The following DSCAM variants were observed in gnomAD, a reference collection of about 807,000 sequenced individuals.
DSCAM encodes cell adhesion molecule DSCAM.
In DSCAM, 47 loss-of-function variants were observed where a neutral mutation model predicts 217.7. The observed-to-expected ratio is 0.22, with a 90% CI of 0.17 to 0.28. The LOEUF is 0.28. Among genes scored for constraint, DSCAM ranks in the 10% least tolerant of loss-of-function variants. The probability of loss-of-function intolerance (pLI) is 1.00; values close to 1 mark genes in which losing one functional copy is unlikely to be tolerated. For missense variants in DSCAM, 2,080 were observed against 2,618.3 expected (o/e 0.79, Z 4.49); for synonymous variants, 1,056 against 1,015.3 (o/e 1.04, Z -0.76).
chr21:40,090,164 G>A (rs1419802777), intron 21 of DSCAM, among the ~76,000 whole-genome samples: 1 of 152,132 alleles, frequency 6.6e-6, no homozygotes, highest in Non-Finnish European at 1.5e-5. Context: ...TCAGTGCTGT[G>A]GTCGTGGGCT....
intron 1 of DSCAM, among the ~76,000 whole-genome samples, chr21:40,718,401 G>A (rs897433282): frequency 1.3e-5 from 2 of 152,194 alleles, no homozygotes; most frequent in African/African-American, 4.8e-5. Context: ...CAAGAGAAAG[G>A]TATTTAATTG....
At chr21:40,646,982 A>G (rs1451766343) in intron 3 of DSCAM, among the ~76,000 whole-genome samples, 2 of 152,228 alleles carry the variant, frequency 1.3e-5, no homozygotes, top group Non-Finnish European at 2.9e-5. Flanking sequence ...CCAAGAATTT[A>G]TAACATCATA....
At chr21:40,209,956 G>T (rs757345636) in intron 11 of DSCAM, among the ~76,000 whole-genome samples, 1 of 152,106 alleles carries the variant, frequency 6.6e-6, no homozygotes, top group Non-Finnish European at 1.5e-5. Flanking sequence ...TACAGATTAA[G>T]CTCAGTTTTC....
In DSCAM at chr21:40,569,911, G is replaced by GA. The variant is rs888020139; in HGVS notation, c.508+122898dup. Among the ~76,000 whole-genome samples the GA allele has an allele frequency of 5.3e-5, 8 of 151,472 alleles. No homozygotes were observed. The East Asian group carries it at 9.7e-4, about 18-fold the overall frequency. On this transcript the variant is annotated intron_variant, in intron 3 of 32. Transcript: ENST00000400454. Reference sequence around the variant, plus strand: ...TAGAACATAGAATTAGCAAACAGCAGAAAAAAAAATTTGTGGTATGAACGT... The same window carrying GA: ...TAGAACATAGAATTAGCAAACAGCAGAAAAAAAAAATTTGTGGTATGAACGT...
chr21:40,792,843 G>C (rs564597388), intron 1 of DSCAM, among the ~76,000 whole-genome samples: 1 of 152,264 alleles, frequency 6.6e-6, no homozygotes, highest in East Asian at 1.9e-4. Context: ...AGCTCTGAAT[G>C]TTAATTGAAA....
intron 3 of DSCAM, among the ~76,000 whole-genome samples, chr21:40,433,806 G>T (rs2075558773): frequency 6.6e-6 from 1 of 152,126 alleles, no homozygotes; most frequent in Admixed American, 6.5e-5. Flanking sequence ...GTTGGATGAG[G>T]TCACCTGAGG....
chr21:40,420,715 A>G (rs1345871012), intron 3 of DSCAM, among the ~76,000 whole-genome samples: 1 of 152,126 alleles, frequency 6.6e-6, no homozygotes, highest in Non-Finnish European at 1.5e-5. Flanking sequence ...ACAAAGGGGG[A>G]ATTTGGACAC....
intron 3 of DSCAM, among the ~76,000 whole-genome samples, chr21:40,405,956 C>T (rs577341461): frequency 6.6e-6 from 1 of 152,296 alleles, no homozygotes; most frequent in East Asian, 1.9e-4. Flanking sequence ...GAGATTGCAC[C>T]ACTGCACTCC....
chr21:40,772,809 C>A (rs2091457581), intron 1 of DSCAM, among the ~76,000 whole-genome samples: 1 of 152,234 alleles, frequency 6.6e-6, no homozygotes, highest in East Asian at 1.9e-4. Context: ...CATTATGGAC[C>A]AGGGCCCGTA....
intron 1 of DSCAM, among the ~76,000 whole-genome samples, chr21:40,758,407 C>G (rs2091297091): frequency 6.7e-6 from 1 of 150,004 alleles, no homozygotes; most frequent in Non-Finnish European, 1.5e-5. Flanking sequence ...GTCCCAGCTA[C>G]TTGGGAGGCT....
At chr21:40,025,264 TCGGTCTGC>T (rs1301994903) in intron 32 of DSCAM, among the ~76,000 whole-genome samples, 1 of 104,630 alleles carries the variant, frequency 9.6e-6, no homozygotes, top group African/African-American at 3.7e-5. Flanking sequence ...GCTGCTGGAT[TCGGTCTGC>T]CAGTATTTTA....
chr21:40,028,801 T>G (rs1436078378), intron 32 of DSCAM, among the ~76,000 whole-genome samples: 2 of 152,212 alleles, frequency 1.3e-5, no homozygotes, highest in Admixed American at 6.5e-5. Flanking sequence ...GTCTTCTGCG[T>G]CGCTCACGCT....
chr21:40,063,900 G>T (rs922080519), intron 27 of DSCAM, among the ~76,000 whole-genome samples: 5 of 152,116 alleles, frequency 3.3e-5, no homozygotes, highest in African/African-American at 1.2e-4. Flanking sequence ...CGTTAAGTTG[G>T]CCAGTCCCAA....
At chr21:40,474,483 TC>T (rs2075916708) in intron 3 of DSCAM, among the ~76,000 whole-genome samples, 1 of 152,096 alleles carries the variant, frequency 6.6e-6, no homozygotes, top group South Asian at 2.1e-4. Flanking sequence ...CCATCCAGAA[TC>T]CTAACAAGCA....
At chr21:40,229,152 A>C (rs2146919589) in intron 11 of DSCAM, among the ~76,000 whole-genome samples, 1 of 152,322 alleles carries the variant, frequency 6.6e-6, no homozygotes, top group East Asian at 1.9e-4. Flanking sequence ...CCTGTTAGAA[A>C]CAACTTTGTC....
chr21:40,816,920 C>T lies in DSCAM; in HGVS notation c.43+29699G>A, dbSNP rs76629387. Among the ~76,000 whole-genome samples the T allele has an allele frequency of 7.2e-3, 1,096 of 152,182 alleles. 11 individuals are homozygous for T. The highest frequency in any genetic ancestry group is 0.025 in the African/African-American group (1,020 of 41,516). ...AAAAAAAAAATTCTACACATGGCTT[C>T]GAGCTCGCTCTTTTTTGACATTCTC... On this transcript the variant is annotated intron_variant, in intron 1 of 32. Transcript: ENST00000400454.
intron 15 of DSCAM, among the ~76,000 whole-genome samples, chr21:40,174,785 C>A (rs1264270256): frequency 1.5e-4 from 23 of 152,118 alleles, no homozygotes; most frequent in Admixed American, 1.4e-3. Flanking sequence ...AAATTAACAT[C>A]GAATTTAAAA....
chr21:40,516,121 TAC>T (rs10607888), intron 3 of DSCAM, among the ~76,000 whole-genome samples: 11,823 of 150,516 alleles, frequency 0.079, 628 homozygotes, highest in Middle Eastern at 0.16. Flanking sequence ...TCCCCCACCA[TAC>T]ACACACACAC....
chr21:40,287,797 TGCA>T (rs2073846054), intron 10 of DSCAM, among the ~76,000 whole-genome samples: 1 of 151,954 alleles, frequency 6.6e-6, no homozygotes, highest in African/African-American at 2.4e-5. Flanking sequence ...GCGTGGTGAG[TGCA>T]GAAGTGACAG....
Sources: gnomAD v4.1 joint callset for allele counts (sites outside exome capture counted in the v4.1 genomes callset) on GRCh38, gnomAD v4.1.1 for gene constraint, MANE v1.5 for transcripts, NCBI Gene and HGNC (gene_info 2026-07-23, HGNC 2026-07-21) for gene names.